The following SORBS3 variants were observed in gnomAD, a reference collection of about 807,000 sequenced individuals.
The protein encoded by SORBS3 is vinexin.
SORBS3 carries 69 observed loss-of-function variants against 98.0 expected under a neutral mutation model. The ratio of observed to expected loss-of-function variants is 0.70; its 90% confidence interval spans 0.58 to 0.86. The LOEUF (loss-of-function observed/expected upper bound fraction) is 0.86, where lower values mean the gene tolerates loss of function less well. Ranked by LOEUF, SORBS3 falls within the 40% of genes least tolerant of loss-of-function variation. SORBS3 has a pLI of 0.00. For missense variants in SORBS3, 954 were observed against 908.5 expected, an observed-to-expected ratio of 1.05 and a Z score of -0.64; for synonymous variants, 394 against 355.4, an observed-to-expected ratio of 1.11 and a Z score of -1.22.
intron 7 of SORBS3, among the ~76,000 whole-genome samples, chr8:22,562,900 A>C (rs1840325266): frequency 6.6e-6 from 1 of 152,194 alleles, no homozygotes; most frequent in Non-Finnish European, 1.5e-5. Context: ...GCGGATCACG[A>C]GGTCAGGAGA....
At chr8:22,546,224 A>AT (rs1265168584) in intron 1 of SORBS3, among the ~76,000 whole-genome samples, 2 of 152,216 alleles carry the variant, frequency 1.3e-5, no homozygotes, top group African/African-American at 4.8e-5. Context: ...TAATCTTAAG[A>AT]TTTAAAAAAA....
intron 16 of SORBS3, 49 bp downstream of exon 16, chr8:22,567,224 G>A: frequency 7.6e-7 from 1 of 1,310,888 alleles, no homozygotes; most frequent in Non-Finnish European, 1.1e-6. Flanking sequence ...GAGGGCGCAG[G>A]GGTTGGGAGA....
chr8:22,563,629 G>T (rs1394073145), intron 7 of SORBS3, among the ~76,000 whole-genome samples: 2 of 152,294 alleles, frequency 1.3e-5, no homozygotes, highest in East Asian at 3.9e-4. Flanking sequence ...TTAGCAAAAA[G>T]GCCCACAGGA....
Position 22,554,607 on chromosome 8 carries a change from G to A in SORBS3, c.101G>A (p.Arg34Gln), listed in dbSNP as rs181973729. 24 of 1,611,350 alleles carry A rather than the reference G, an allele frequency of 1.5e-5. No homozygotes were observed. The highest frequency in any genetic ancestry group is 1.1e-4 in the East Asian group (5 of 44,844). Residue 34 changes from arginine (R) to glutamine (Q), a missense_variant and splice_region_variant, in exon 2 of 21, where the codon CGG (arginine) becomes CAG (glutamine). Coordinates refer to ENST00000240123, the MANE Select transcript of SORBS3 (RefSeq NM_005775.5). This position sits in a 1 kb window ranked among gnomAD's most constrained non-coding sequence, Gnocchi z 6.5. ...ATAGGGTCTTCCTCCCGGGGGACAC[G>A]GGTGAGTGAGTCAGTAGGGAGGAGG... is the stretch of plus-strand genomic sequence containing the variant. ...SHIGSSSRGT[R>Q]VPVIRNGGSN...
rs759985432 is a variant in SORBS3 at position 22,566,875 on chromosome 8, G to A, written c.1190+7G>A. 5 of 1,607,484 alleles carry A rather than the reference G, an allele frequency of 3.1e-6. No individual in the cohort carries two copies. In the South Asian group the frequency reaches 4.4e-5, roughly 14 times the overall value. On this transcript the variant is annotated splice_region_variant and intron_variant, in intron 15 of 20. Transcript: ENST00000240123. ...TCCAGGCGCAGTCCCCCAAGTAAGC[G>A]CCCTCCTCCCCCTCCCCTTCCACCC... is the stretch of plus-strand genomic sequence containing the variant.
rs1327841442 is a variant in SORBS3, at chr8:22,574,822, C to G, written c.*94C>G. Reference sequence around the variant, plus strand: ...GGACCCCCGCCCACATCCTCCTTCCCCAGGACCTGAGCTCCCAGCATCTGC... The same window carrying G: ...GGACCCCCGCCCACATCCTCCTTCCGCAGGACCTGAGCTCCCAGCATCTGC... On this transcript the variant is annotated 3_prime_UTR_variant, in exon 21 of 21. Transcript: ENST00000240123. 8.0e-7 allele frequency: 1 copy of G among 1,252,808 alleles called. No individual in the cohort carries two copies. Among genetic ancestry groups the G allele is most frequent in the Admixed American group, 1.7e-5 (1 of 59,360 alleles). 77.6% of individuals were successfully genotyped at this position (1,252,808 alleles called of 1,614,324 possible).
chr8:22,571,118 C>G lies in SORBS3; in HGVS notation c.1640C>G (p.Ser547Ter). The G allele has an allele frequency of 6.2e-7, 1 of 1,606,770 alleles. No individual in the cohort carries two copies. The highest frequency in any genetic ancestry group is 8.5e-7 in the Non-Finnish European group (1 of 1,178,132). ...ARSARHPSSP[S>*]ALRSPADPID... Reference sequence around the variant, plus strand: ...TCAGCCCGTCACCCCAGCTCCCCCTCAGCCCTGCGCAGCCCAGCTGACCCC... The same window carrying G: ...TCAGCCCGTCACCCCAGCTCCCCCTGAGCCCTGCGCAGCCCAGCTGACCCC... The change falls in exon 18 of 21, where the codon TCA becomes TGA. Residue 547 changes from serine (S) to a stop codon, truncating the protein, a stop_gained. Transcript: ENST00000240123. LOFTEE classifies it high-confidence loss of function.
At chr8:22,569,613 C>T (rs2117286980) in intron 17 of SORBS3, among the ~76,000 whole-genome samples, 1 of 152,324 alleles carries the variant, frequency 6.6e-6, no homozygotes, top group South Asian at 2.1e-4. Flanking sequence ...GTTGGGATTA[C>T]AGGCGTGAGC....
chr8:22,552,938 C>A (rs569769783), intron 1 of SORBS3, among the ~76,000 whole-genome samples: 12 of 152,298 alleles, frequency 7.9e-5, no homozygotes, highest in Middle Eastern at 3.4e-3. Context: ...CCCTCCACTC[C>A]CCCCAGTCAG....
At chr8:22,545,055 ATTGT>A (rs1263818341) in exon 1 of SORBS3, 1 of 152,138 alleles carries the variant, frequency 6.6e-6, no homozygotes, top group East Asian at 1.9e-4. Context: ...AATTTCCTAA[ATTGT>A]TTGTGGTTAT....
chr8:22,566,072 T>A, intron 12 of SORBS3, 200 bp downstream of exon 12: 1 of 545,716 alleles, frequency 1.8e-6, no homozygotes, highest in Non-Finnish European at 2.8e-6. Context: ...AGCTAACTCC[T>A]AGCAGAGGAC....
Position 22,571,560 on chromosome 8 carries a change from G to C in SORBS3, c.1744-158G>C, listed in dbSNP as rs1210780825. Reference sequence around the variant, plus strand: ...GTGAAATGAAATAGTCACAGCAGGTGTCCCTGTGCCCTGGGGGTTTGGAGG... The same window carrying C: ...GTGAAATGAAATAGTCACAGCAGGTCTCCCTGTGCCCTGGGGGTTTGGAGG... On this transcript the variant is annotated intron_variant, in intron 18 of 20. Transcript: ENST00000240123. 4 of 637,216 alleles carry C rather than the reference G, an allele frequency of 6.3e-6. No individual in the cohort carries two copies. In the East Asian group the frequency reaches 1.1e-4, roughly 17 times the overall value. 39.5% of individuals were successfully genotyped at this position (637,216 alleles called of 1,614,324 possible).
chr8:22,552,154 C>T, intron 1 of SORBS3, 132 bp downstream of exon 1: 2 of 790,790 alleles, frequency 2.5e-6, no homozygotes, highest in Non-Finnish European at 3.1e-6. Context: ...TCCCACCAGC[C>T]CTCATACCAG....
chr8:22,566,723 G>A lies in SORBS3; in HGVS notation c.1143+10G>A, dbSNP rs1423020238. On this transcript the variant is annotated intron_variant, in intron 14 of 20. Transcript: ENST00000240123. ...GAGGGAAGAGAAGAAGGTAAGGAGGGGACCAGGTGTGGGGGACCTGGAGTG... is the reference window on the plus strand; with the variant it reads ...GAGGGAAGAGAAGAAGGTAAGGAGGAGACCAGGTGTGGGGGACCTGGAGTG... 1 of 1,613,576 alleles carries A rather than the reference G, an allele frequency of 6.2e-7. No homozygotes were observed. Among genetic ancestry groups the A allele is most frequent in the African/African-American group, 1.3e-5 (1 of 75,028 alleles).
chr8:22,565,430 T>A, intron 11 of SORBS3, 76 bp downstream of exon 11: 5 of 1,231,552 alleles, frequency 4.1e-6, no homozygotes, highest in Non-Finnish European at 5.5e-6. Flanking sequence ...CCTCGGCGGC[T>A]GGGCTGGGCG....
In SORBS3 at chr8:22,574,802, C is replaced by A. The variant is rs764799698; in HGVS notation, c.*74C>A. On this transcript the variant is annotated 3_prime_UTR_variant, in exon 21 of 21. Coordinates refer to ENST00000240123, the MANE Select transcript of SORBS3 (RefSeq NM_005775.5). Reference sequence around the variant, plus strand: ...TGGCACTCGTGGGAGGGAGAGGACCCCCGCCCACATCCTCCTTCCCCAGGA... The same window carrying A: ...TGGCACTCGTGGGAGGGAGAGGACCACCGCCCACATCCTCCTTCCCCAGGA... 1 of 1,402,180 alleles carries A rather than the reference C, an allele frequency of 7.1e-7. No homozygotes were observed. The highest frequency in any genetic ancestry group is 1.0e-6 in the Non-Finnish European group (1 of 988,206). The allele number at this position is 1,402,180 out of a possible 1,614,324, so 86.9% of individuals were successfully genotyped here. A position where few individuals can be genotyped will look rare whatever the true frequency, so the allele number is the denominator to read the frequency against.
chr8:22,566,189 G>A (rs1312531239), intron 12 of SORBS3, 156 bp from the exon 13 acceptor site: 2 of 1,005,172 alleles, frequency 2.0e-6, no homozygotes, highest in African/African-American at 1.7e-5. Context: ...GCAGCGACTC[G>A]GGAAGTAGGA....
At chr8:22,570,034 G>C (rs1454833118) in intron 17 of SORBS3, among the ~76,000 whole-genome samples, 5 of 152,158 alleles carry the variant, frequency 3.3e-5, no homozygotes, top group African/African-American at 1.2e-4. Context: ...TGTATTCTGG[G>C]CTGTTATTAA....
At position 22,571,708 on chromosome 8, in the gene SORBS3, C is replaced by G; in HGVS notation, c.1744-10C>G. On this transcript the variant is annotated splice_polypyrimidine_tract_variant and intron_variant, in intron 18 of 20. Transcript: ENST00000240123. The stretch of plus-strand genomic sequence containing the variant: ...CCCTCTGACATCCCTTTCTTCCTGT[C>G]AACTCCCAGAATCTTGGCACCCCTG... 1 of 1,605,546 alleles carries G rather than the reference C, an allele frequency of 6.2e-7. No individual in the cohort carries two copies. Among genetic ancestry groups the G allele is most frequent in the Non-Finnish European group, 8.5e-7 (1 of 1,172,338 alleles).
Sources: gnomAD v4.1 joint callset for allele counts (sites outside exome capture counted in the v4.1 genomes callset) on GRCh38, gnomAD v4.1.1 for gene constraint, Gnocchi (gnomAD v3.1) non-coding constraint, MANE v1.5 for transcripts, NCBI Gene and HGNC (gene_info 2026-07-23, HGNC 2026-07-21) for gene names.